The following PTH2R variants were observed in gnomAD, a reference collection of about 807,000 sequenced individuals.
The protein encoded by PTH2R is PTH2 receptor.
Under a neutral mutation model 60.3 loss-of-function variants are expected in PTH2R, and 59 were observed. The ratio of observed to expected loss-of-function variants is 0.98; its 90% confidence interval spans 0.79 to 1.22. The LOEUF is 1.22. Ranked by LOEUF, PTH2R falls within the 50% of genes most tolerant of loss-of-function variation. The pLI, the probability that PTH2R is intolerant of heterozygous loss-of-function variation, is 0.00. For missense variants in PTH2R, 749 were observed against 682.6 expected (o/e 1.10, Z -1.08); for synonymous variants, 256 against 243.8 (o/e 1.05, Z -0.47).
At chr2:208,461,731 A>C (rs971328652) in intron 9 of PTH2R, among the ~76,000 whole-genome samples, 1 of 152,202 alleles carries the variant, frequency 6.6e-6, no homozygotes, top group Non-Finnish European at 1.5e-5. Context: ...TTTCCATGGA[A>C]ATGACTGATT....
At chr2:208,416,519 T>G (rs1701644370) in intron 1 of PTH2R, among the ~76,000 whole-genome samples, 1 of 152,226 alleles carries the variant, frequency 6.6e-6, no homozygotes, top group Non-Finnish European at 1.5e-5. Context: ...ATGATTTTTC[T>G]GAGCTCAGGG....
At chr2:208,489,221 TTTTTCTC>T in intron 11 of PTH2R, 71 bp downstream of exon 11, 1 of 1,569,472 alleles carries the variant, frequency 6.4e-7, no homozygotes. Context: ...ACTTACAACC[TTTTTCTC>T]TGCACTCTCT....
intron 1 of PTH2R, among the ~76,000 whole-genome samples, chr2:208,399,893 A>G (rs2105822650): frequency 6.6e-6 from 1 of 152,294 alleles, no homozygotes; most frequent in Middle Eastern, 3.4e-3. Flanking sequence ...AGAAAAGTTC[A>G]TACCTGCTGT....
At chr2:208,428,525 T>G (rs571723013) in intron 2 of PTH2R, among the ~76,000 whole-genome samples, 1 of 152,324 alleles carries the variant, frequency 6.6e-6, no homozygotes, top group Admixed American at 6.5e-5. Context: ...AGTTTGAGAA[T>G]AGCAACTGGG....
intron 1 of PTH2R, among the ~76,000 whole-genome samples, chr2:208,364,979 A>G (rs1700549378): frequency 6.6e-6 from 1 of 151,434 alleles, no homozygotes; most frequent in Non-Finnish European, 1.5e-5. Context: ...GTGTATAGAA[A>G]TGTAACTGAT....
intron 1 of PTH2R, among the ~76,000 whole-genome samples, chr2:208,378,180 G>A (rs969958877): frequency 2.0e-5 from 3 of 151,856 alleles, no homozygotes; most frequent in Admixed American, 1.3e-4. Flanking sequence ...AGACCAGCCC[G>A]GCCAACACAG....
chr2:208,452,627 G>A (rs950379740), intron 8 of PTH2R, among the ~76,000 whole-genome samples: 5 of 152,220 alleles, frequency 3.3e-5, no homozygotes, highest in Admixed American at 1.3e-4. Flanking sequence ...TTTGGTCTTC[G>A]TTCAGTGATA....
chr2:208,422,649 A>G (rs1041603304), intron 1 of PTH2R, among the ~76,000 whole-genome samples: 1 of 152,042 alleles, frequency 6.6e-6, no homozygotes, highest in African/African-American at 2.4e-5. Context: ...TAAGTGAGAG[A>G]AGAATGCTTC....
chr2:208,399,174 A>G (rs1488295867), intron 1 of PTH2R, among the ~76,000 whole-genome samples: 1 of 152,172 alleles, frequency 6.6e-6, no homozygotes, highest in African/African-American at 2.4e-5. Flanking sequence ...GTGTGCTCCT[A>G]AAAACATTTT....
intron 7 of PTH2R, 78 bp downstream of exon 7, chr2:208,444,965 C>A (rs1169649186): frequency 7.1e-7 from 1 of 1,408,194 alleles, no homozygotes; most frequent in Non-Finnish European, 9.6e-7. Flanking sequence ...TCATTAGCAT[C>A]CCTACAGCCA....
chr2:208,382,024 G>C (rs1282046991), intron 1 of PTH2R, among the ~76,000 whole-genome samples: 2 of 152,114 alleles, frequency 1.3e-5, no homozygotes, highest in Admixed American at 1.3e-4. Flanking sequence ...AGAGATTTAG[G>C]GGAGTGGTAT....
intron 1 of PTH2R, among the ~76,000 whole-genome samples, chr2:208,362,831 C>T (rs936817985): frequency 8.2e-5 from 7 of 85,680 alleles, no homozygotes; most frequent in Non-Finnish European, 1.8e-4. Context: ...CATACCAACA[C>T]TTATTAGTGT....
At chr2:208,377,348 G>A (rs947343114) in intron 1 of PTH2R, among the ~76,000 whole-genome samples, 5 of 151,836 alleles carry the variant, frequency 3.3e-5, no homozygotes, top group African/African-American at 1.2e-4. Flanking sequence ...CACAAAAACC[G>A]CCATCGTCAT....
chr2:208,384,255 A>G (rs1403361565), intron 1 of PTH2R, among the ~76,000 whole-genome samples: 1 of 152,170 alleles, frequency 6.6e-6, no homozygotes. Context: ...AGAGACGGGG[A>G]GGACATCTCA....
chr2:208,433,091 A>G (rs762202157), intron 2 of PTH2R, among the ~76,000 whole-genome samples: 5 of 152,240 alleles, frequency 3.3e-5, no homozygotes, highest in African/African-American at 1.2e-4. Flanking sequence ...CAAGATAAGC[A>G]AGTGTGCACC....
intron 6 of PTH2R, 75 bp downstream of exon 6, chr2:208,443,612 A>T (rs921046538): frequency 2.0e-5 from 26 of 1,270,408 alleles, no homozygotes; most frequent in East Asian, 1.8e-4. Flanking sequence ...ACAGTCCACT[A>T]AACATGTTAA....
At chr2:208,489,192 GTTTTTTTTCCT>G in intron 11 of PTH2R, 42 bp downstream of exon 11, 1 of 1,610,446 alleles carries the variant, frequency 6.2e-7, no homozygotes. Flanking sequence ...GTAATTTGCA[GTTTTTTTTCCT>G]TTTGGTCACT....
rs1702227220 is a variant in PTH2R, at chr2:208,443,428, A to G, written c.590A>G (p.Lys197Arg). Residue 197 changes from lysine to arginine, a missense_variant, in exon 6 of 13, where the codon AAA (lysine) becomes AGA (arginine). Lys to Arg is a conservative substitution (Grantham distance 26). Coordinates refer to ENST00000272847, the MANE Select transcript of PTH2R (RefSeq NM_005048.4). ...FMLRATSIFV[K>R]DRVVHAHIGV... ...CTGAGAGCTACAAGCATCTTTGTCAAAGACAGAGTAGTCCATGCTCACATA... is the reference window on the plus strand; with the variant it reads ...CTGAGAGCTACAAGCATCTTTGTCAGAGACAGAGTAGTCCATGCTCACATA... The G allele has an allele frequency of 1.9e-6, 3 of 1,613,438 alleles. No homozygotes were observed. The highest frequency in any genetic ancestry group is 2.2e-5 in the South Asian group (2 of 90,940).
intron 9 of PTH2R, among the ~76,000 whole-genome samples, chr2:208,468,089 C>T (rs1393955788): frequency 6.6e-6 from 1 of 152,150 alleles, no homozygotes; most frequent in African/African-American, 2.4e-5. Context: ...TATATATTTT[C>T]CTCCTGGGAT....
Sources: allele counts gnomAD v4.1 joint callset (sites outside exome capture counted in the v4.1 genomes callset), GRCh38; gene constraint gnomAD v4.1.1; transcripts MANE v1.5; gene names NCBI Gene and HGNC (gene_info 2026-07-23, HGNC 2026-07-21).